Variants in WNK2 observed in about 807,000 individuals in gnomAD.
WNK2 encodes serine/threonine-protein kinase WNK2.
In WNK2, 67 loss-of-function variants were observed where a neutral mutation model predicts 192.1. The ratio of observed to expected loss-of-function variants is 0.35; its 90% confidence interval spans 0.29 to 0.43. The LOEUF (loss-of-function observed/expected upper bound fraction) is 0.43, where lower values mean the gene tolerates loss of function less well. Among genes scored for constraint, WNK2 ranks in the 20% least tolerant of loss-of-function variants. The probability of loss-of-function intolerance (pLI) is 1.00; values close to 1 mark genes in which losing one functional copy is unlikely to be tolerated. For missense variants in WNK2, 2,698 were observed against 3,089.7 expected (o/e 0.87, Z 3.01); for synonymous variants, 1,439 against 1,393.9 (o/e 1.03, Z -0.72).
In WNK2 at chr9:93,268,612, T is replaced by G. The variant is rs779197324; in HGVS notation, c.3914-15T>G. Reference sequence around the variant, plus strand: ...GCTCACTCACTCAGCGTGCTGTTTCTGTTCTGCCCTTCAGTCCTGCACACC... The same window carrying G: ...GCTCACTCACTCAGCGTGCTGTTTCGGTTCTGCCCTTCAGTCCTGCACACC... On this transcript the variant is annotated splice_polypyrimidine_tract_variant and intron_variant, in intron 18 of 29. Transcript: ENST00000427277. 15 of 1,606,156 alleles carry G rather than the reference T, an allele frequency of 9.3e-6. No individual in the cohort carries two copies. In the Admixed American group the frequency reaches 1.0e-4, roughly 11 times the overall value.
At chr9:93,308,612 C>A in intron 28 of WNK2, 28 bp downstream of exon 28, 2 of 1,517,350 alleles carry the variant, frequency 1.3e-6, no homozygotes, top group Non-Finnish European at 1.8e-6. Context: ...GGGGCGGGTG[C>A]TCCTGGGGTG....
intron 12 of WNK2, among the ~76,000 whole-genome samples, chr9:93,260,020 A>G (rs112924789): frequency 6.3e-4 from 96 of 151,870 alleles, no homozygotes; most frequent in African/African-American, 2.0e-3. Flanking sequence ...CAGGGTGACA[A>G]CCCCATCTTA....
At chr9:93,307,994 T>G in intron 27 of WNK2, 6 of 331,760 alleles carry the variant, frequency 1.8e-5, no homozygotes, top group South Asian at 5.0e-5. Context: ...GTGCCAGGAG[T>G]TTCCTGAGCT....
intron 19 of WNK2, among the ~76,000 whole-genome samples, chr9:93,281,407 A>G (rs1249298201): frequency 6.6e-6 from 1 of 152,232 alleles, no homozygotes; most frequent in Non-Finnish European, 1.5e-5. Context: ...GTAGAACTGA[A>G]AAATACATTA....
intron 28 of WNK2, chr9:93,315,636 C>T (rs1182174594): frequency 1.3e-5 from 2 of 152,182 alleles, no homozygotes; most frequent in African/African-American, 4.8e-5. Flanking sequence ...AAACTGAAGT[C>T]TTCTCCTTCT....
intron 19 of WNK2, among the ~76,000 whole-genome samples, chr9:93,282,463 G>GAA (rs573286231): frequency 7.9e-6 from 1 of 126,626 alleles, no homozygotes; most frequent in Non-Finnish European, 1.7e-5. Flanking sequence ...TCTCAAAAGT[G>GAA]AAAAAAAAAA....
rs1396403118 is a variant in WNK2, at chr9:93,263,754, C to T, written c.3579+20C>T. On this transcript the variant is annotated intron_variant, in intron 15 of 29. Coordinates refer to ENST00000427277, the MANE Select transcript of WNK2 (RefSeq NM_006648.4). Reference sequence around the variant, plus strand: ...TTGAACGTGAGTGGGCGGGGCGTGGCGGGGGTGTGGTGGGGGTGGGGGCAT... The same window carrying T: ...TTGAACGTGAGTGGGCGGGGCGTGGTGGGGGTGTGGTGGGGGTGGGGGCAT... 1.4e-5 allele frequency: 10 copies of T among 740,164 alleles called. No homozygotes were observed. The highest frequency in any genetic ancestry group is 6.2e-5 in the African/African-American group (3 of 48,502). The allele number at this position is 740,164 out of a possible 1,614,324, so 45.8% of individuals were successfully genotyped here.
chr9:93,210,267 T>C (rs1423211049), intron 2 of WNK2, among the ~76,000 whole-genome samples: 1 of 150,256 alleles, frequency 6.7e-6, no homozygotes, highest in Non-Finnish European at 1.5e-5. Flanking sequence ...GAGGTGGGGC[T>C]ATTCGTGCTG....
chr9:93,315,176 C>G (rs1223545999), intron 28 of WNK2, among the ~76,000 whole-genome samples: 1 of 152,206 alleles, frequency 6.6e-6, no homozygotes, highest in Non-Finnish European at 1.5e-5. Flanking sequence ...CTCCATCCCA[C>G]TTGTTCAAAG....
chr9:93,276,572 G>A (rs1846921201), intron 19 of WNK2, among the ~76,000 whole-genome samples: 1 of 152,150 alleles, frequency 6.6e-6, no homozygotes, highest in South Asian at 2.1e-4. Context: ...AAGAAAAAAT[G>A]GATACATTAG....
chr9:93,282,101 T>C (rs1011958115), intron 19 of WNK2, among the ~76,000 whole-genome samples: 7 of 152,206 alleles, frequency 4.6e-5, no homozygotes, highest in African/African-American at 1.7e-4. Flanking sequence ...GAAAAAATAA[T>C]GTCTTGAGGT....
At chr9:93,266,057 T>C (rs1205045145) in intron 16 of WNK2, among the ~76,000 whole-genome samples, 2 of 152,206 alleles carry the variant, frequency 1.3e-5, no homozygotes, top group Non-Finnish European at 2.9e-5. Flanking sequence ...GCTACAGATA[T>C]ACAAATTTGG....
chr9:93,234,532 A>G (rs1839483521), intron 4 of WNK2, among the ~76,000 whole-genome samples: 2 of 152,182 alleles, frequency 1.3e-5, no homozygotes, highest in Admixed American at 1.3e-4. Context: ...GGGAAGTCAT[A>G]GTCTCCCAGC....
chr9:93,205,541 C>T (rs1409079319), intron 2 of WNK2, among the ~76,000 whole-genome samples: 1 of 152,192 alleles, frequency 6.6e-6, no homozygotes, highest in Non-Finnish European at 1.5e-5. Flanking sequence ...TGTGCCTGGC[C>T]CCCACTCTGT....
At chr9:93,187,748 C>T (rs1205459771) in intron 2 of WNK2, among the ~76,000 whole-genome samples, 2 of 151,968 alleles carry the variant, frequency 1.3e-5, no homozygotes, top group Admixed American at 6.6e-5. Flanking sequence ...TGACTTTGTG[C>T]AGAGCTATTG....
At position 93,256,388 on chromosome 9, in the gene WNK2, C is replaced by G. The variant is rs777710787; in HGVS notation, c.2124C>G (p.Pro708=). 5 of 1,558,484 alleles carry G rather than the reference C, an allele frequency of 3.2e-6. No individual in the cohort carries two copies. In the Admixed American group the frequency reaches 9.2e-5, roughly 29 times the overall value. ...HFPDPAMSFA[P]VLPPPSTPMP... ...CGGATCCGGCCATGAGCTTCGCCCC[C>G]GTGCTGCCGCCGCCCAGCACCCCCA... is the stretch of plus-strand genomic sequence containing the variant. The change falls in exon 10 of 30, where the codon CCC becomes CCG. Residue 708 remains proline (P), a synonymous_variant. Transcript: ENST00000427277.
Position 93,247,812 on chromosome 9 carries a change from G to A in WNK2, c.1812G>A (p.Pro604=), listed in dbSNP as rs945678600. The stretch of plus-strand genomic sequence containing the variant: ...AGCACCTCCTGCCACCTACGTTGCC[G>A]ACCAGCGCCACCTCCCTGGCCTGTG... The part of the protein sequence containing the change: ...ADQHLLPPTL[P]TSATSLASDS... The change falls in exon 8 of 30, where the codon CCG becomes CCA. Residue 604 remains proline, a synonymous_variant. Coordinates refer to ENST00000427277, the MANE Select transcript of WNK2 (RefSeq NM_006648.4). The surrounding 1 kb of genome is among the most constrained non-coding windows in gnomAD (Gnocchi z 5.2). 13 of 1,540,760 alleles carry A rather than the reference G, an allele frequency of 8.4e-6. No homozygotes were observed. The highest frequency in any genetic ancestry group is 7.3e-5 in the East Asian group (3 of 41,054).
chr9:93,313,552 T>C (rs549060178), intron 28 of WNK2, among the ~76,000 whole-genome samples: 1 of 152,296 alleles, frequency 6.6e-6, no homozygotes, highest in South Asian at 2.1e-4. Context: ...GTGTAGGACA[T>C]TGTAGTTGAA....
At chr9:93,311,192 CA>C (rs1853590835) in intron 28 of WNK2, among the ~76,000 whole-genome samples, 1 of 152,164 alleles carries the variant, frequency 6.6e-6, no homozygotes, top group Non-Finnish European at 1.5e-5. Context: ...TTCTACTTAG[CA>C]AAATGTCCTC....
Sources: gnomAD v4.1 joint callset for allele counts (sites outside exome capture counted in the v4.1 genomes callset) on GRCh38, gnomAD v4.1.1 for gene constraint, Gnocchi (gnomAD v3.1) non-coding constraint, MANE v1.5 for transcripts, NCBI Gene and HGNC (gene_info 2026-07-23, HGNC 2026-07-21) for gene names.